Variants in SF3A3 observed in about 807,000 individuals in gnomAD.
SF3A3 encodes splicing factor 3a subunit 3.
SF3A3 carries 9 observed loss-of-function variants against 85.8 expected under a neutral mutation model. The ratio of observed to expected loss-of-function variants is 0.10; its 90% CI spans 0.06 to 0.18. SF3A3 has a LOEUF of 0.18. SF3A3 is among the 10% of genes least tolerant of loss of function. The pLI is 1.00. For missense variants in SF3A3, 306 were observed against 593.3 expected (o/e 0.52, Z 5.03); for synonymous variants, 195 against 204.4 (o/e 0.95, Z 0.39).
Position 37,969,697 on chromosome 1 carries a change from C to A in SF3A3, c.1044G>T (p.Lys348Asn). The A allele has an allele frequency of 3.1e-6, 5 of 1,614,166 alleles. No homozygotes were observed. Among genetic ancestry groups the A allele is most frequent in the Non-Finnish European group, 4.2e-6 (5 of 1,180,032 alleles). ...RHLTHENVQR[K>N]QARTGEEREE... ...CTCGCTCTTCTCCTGTCCTGGCTTGCTTGCGCTGTACATTTTCATGAGTGA... is the reference window on the plus strand; with the variant it reads ...CTCGCTCTTCTCCTGTCCTGGCTTGATTGCGCTGTACATTTTCATGAGTGA... The change falls in exon 13 of 17, where the codon AAG becomes AAT. Residue 348 changes from lysine (K) to asparagine (N), a missense_variant. Transcript: ENST00000373019.
Position 37,958,044 on chromosome 1 carries a change from A to T in SF3A3, c.*142T>A. 1.6e-6 allele frequency: 1 copy of T among 640,128 alleles called. No individual in the cohort carries two copies. The highest frequency in any genetic ancestry group is 2.7e-5 in the East Asian group (1 of 37,358). 39.7% of individuals were successfully genotyped at this position (640,128 alleles called of 1,614,324 possible). A position where few individuals can be genotyped will look rare whatever the true frequency, so the allele number is the denominator to read the frequency against. The stretch of plus-strand genomic sequence containing the variant: ...CATCTCAACCCTGCAATCTGCCAGC[A>T]TGCCTTGTTTCTACAAGATGCATGC... On this transcript the variant is annotated 3_prime_UTR_variant, in exon 17 of 17. Coordinates refer to ENST00000373019, the MANE Select transcript of SF3A3 (RefSeq NM_006802.4).
chr1:37,960,187 G>T lies in SF3A3; in HGVS notation c.1373-12C>A, dbSNP rs1646247558. On this transcript the variant is annotated splice_polypyrimidine_tract_variant and intron_variant, in intron 15 of 16. Coordinates refer to ENST00000373019, the MANE Select transcript of SF3A3 (RefSeq NM_006802.4). ...CAGTTTGGCCCACACTGCAGGATGA[G>T]AAATGAACAGCAATCAGGATGGACT... 2.5e-6 allele frequency: 4 copies of T among 1,613,362 alleles called. No homozygotes were observed. The highest frequency in any genetic ancestry group is 2.2e-5 in the East Asian group (1 of 44,874).
intron 9 of SF3A3, 98 bp downstream of exon 9, chr1:37,979,367 C>T (rs1429881586): frequency 7.5e-6 from 7 of 936,446 alleles, no homozygotes; most frequent in Non-Finnish European, 1.2e-5. Context: ...GAAATAGTGC[C>T]TTATCACAAC....
rs1461904699 is a variant in SF3A3, at chr1:37,957,387, C to CAG, written c.*798_*799insCT. 3.3e-5 allele frequency: 4 copies of CAG among 121,384 alleles called. No individual in the cohort carries two copies. The East Asian group carries it at 7.9e-4, about 24-fold the overall frequency. 7.5% of individuals were successfully genotyped at this position (121,384 alleles called of 1,614,324 possible). On this transcript the variant is annotated 3_prime_UTR_variant, in exon 17 of 17. Transcript: ENST00000373019. ...AACACAGCCCAACTCCCCCCCCCCC[C>CAG]CCTTTTTTTTTTTTTGAGATGGGGC...
chr1:37,968,904 C>T (rs193174831), intron 14 of SF3A3, among the ~76,000 whole-genome samples: 206 of 152,264 alleles, frequency 1.4e-3, no homozygotes, highest in Non-Finnish European at 2.5e-3. Flanking sequence ...CCGGACAATA[C>T]CCTGTCTCAA....
At chr1:37,980,844 T>C (rs1006167801) in intron 7 of SF3A3, 120 bp from the exon 8 acceptor site, 62 of 267,666 alleles carry the variant, frequency 2.3e-4, no homozygotes, top group South Asian at 8.4e-4. Context: ...TAATACTCTT[T>C]TTTTTTTTTT....
intron 12 of SF3A3, among the ~76,000 whole-genome samples, chr1:37,973,513 A>C (rs1646357806): frequency 6.6e-6 from 1 of 152,234 alleles, no homozygotes; most frequent in African/African-American, 2.4e-5. Flanking sequence ...GAGAAATGCA[A>C]ATCAAAACCA....
chr1:37,980,783 T>C (rs944604187), intron 7 of SF3A3, 59 bp from the exon 8 acceptor site: 16 of 1,422,312 alleles, frequency 1.1e-5, no homozygotes, highest in African/African-American at 4.2e-5. Context: ...TGGTATCTTG[T>C]TATTCCCTGC....
At chr1:37,986,747 G>A (rs1447743756) in intron 4 of SF3A3, among the ~76,000 whole-genome samples, 2 of 140,594 alleles carry the variant, frequency 1.4e-5, no homozygotes, top group East Asian at 2.3e-4. Context: ...GGGAGGTGGA[G>A]CTTGCAGTGA....
At position 37,979,544 on chromosome 1, in the gene SF3A3, C is replaced by T; in HGVS notation, c.691-11G>A. On this transcript the variant is annotated splice_polypyrimidine_tract_variant and intron_variant, in intron 8 of 16. Transcript: ENST00000373019. ...ACTGCTTGTCTCTTTCTGGAAAGAA[C>T]AATATGGTATTTATTAAGATCCAGG... 6.2e-7 allele frequency: 1 copy of T among 1,606,158 alleles called. No homozygotes were observed. Among genetic ancestry groups the T allele is most frequent in the Non-Finnish European group, 8.5e-7 (1 of 1,173,388 alleles).
intron 16 of SF3A3, among the ~76,000 whole-genome samples, chr1:37,959,132 G>A (rs539863405): frequency 4.3e-4 from 65 of 149,470 alleles, no homozygotes; most frequent in African/African-American, 1.3e-3. Flanking sequence ...AGGCTGGAGT[G>A]CAATGGTGCG....
chr1:37,967,110 GCTGGGC>G (rs1646306763), intron 15 of SF3A3, among the ~76,000 whole-genome samples: 1 of 114,980 alleles, frequency 8.7e-6, no homozygotes, highest in African/African-American at 3.5e-5. Context: ...AGAAAAATTA[GCTGGGC>G]ATGGTGGCAC....
intron 6 of SF3A3, among the ~76,000 whole-genome samples, chr1:37,982,744 G>A (rs914750690): frequency 6.6e-6 from 1 of 151,968 alleles, no homozygotes; most frequent in Non-Finnish European, 1.5e-5. Context: ...AGATCATGTT[G>A]TTTTATTTTC....
Position 37,989,858 on chromosome 1 carries a change from G to T in SF3A3, c.96+12C>A. On this transcript the variant is annotated intron_variant, in intron 1 of 16. Coordinates refer to ENST00000373019, the MANE Select transcript of SF3A3 (RefSeq NM_006802.4). ...GTGCTCCTGCCGCAGCCTCTGCTCA[G>T]GCCCCACTCACCGTGGACTTCTTGG... 2 of 1,599,590 alleles carry T rather than the reference G, an allele frequency of 1.3e-6. No individual in the cohort carries two copies. Among genetic ancestry groups the T allele is most frequent in the Non-Finnish European group, 8.6e-7 (1 of 1,167,328 alleles).
chr1:37,979,550 G>C lies in SF3A3; in HGVS notation c.691-17C>G, dbSNP rs1352344219. 9 of 1,599,968 alleles carry C rather than the reference G, an allele frequency of 5.6e-6. No homozygotes were observed. Among genetic ancestry groups the C allele is most frequent in the Non-Finnish European group, 7.7e-6 (9 of 1,168,572 alleles). On this transcript the variant is annotated splice_polypyrimidine_tract_variant and intron_variant, in intron 8 of 16. Coordinates refer to ENST00000373019, the MANE Select transcript of SF3A3 (RefSeq NM_006802.4). The stretch of plus-strand genomic sequence containing the variant: ...TGTCTCTTTCTGGAAAGAACAATAT[G>C]GTATTTATTAAGATCCAGGTTTAGG...
At chr1:37,978,311 C>T (rs1240064254) in intron 11 of SF3A3, among the ~76,000 whole-genome samples, 1 of 148,478 alleles carries the variant, frequency 6.7e-6, no homozygotes, top group African/African-American at 2.5e-5. Flanking sequence ...TGCACTCCAG[C>T]TTGGGCAACA....
intron 2 of SF3A3, among the ~76,000 whole-genome samples, chr1:37,988,627 C>G (rs1032342403): frequency 6.6e-6 from 1 of 152,156 alleles, no homozygotes; most frequent in Non-Finnish European, 1.5e-5. Flanking sequence ...TGATAATCTC[C>G]TGCAAATCAG....
chr1:37,972,987 C>T (rs189214716), intron 12 of SF3A3, among the ~76,000 whole-genome samples: 2 of 152,192 alleles, frequency 1.3e-5, no homozygotes, highest in Non-Finnish European at 2.9e-5. Context: ...TCGAGATCAG[C>T]CTGGCTAACA....
At chr1:37,980,425 CAA>C (rs113844754) in intron 8 of SF3A3, among the ~76,000 whole-genome samples, 159 bp downstream of exon 8, 1 of 137,274 alleles carries the variant, frequency 7.3e-6, no homozygotes, top group Non-Finnish European at 1.6e-5. Flanking sequence ...ACTCCGTCTC[CAA>C]AAAAAAAAAA....
Sources: allele counts gnomAD v4.1 joint callset (sites outside exome capture counted in the v4.1 genomes callset), GRCh38; gene constraint gnomAD v4.1.1; transcripts MANE v1.5; gene names NCBI Gene and HGNC (gene_info 2026-07-23, HGNC 2026-07-21).